ZGRF1: variants seen among roughly 807,000 people sequenced by gnomAD.
ZGRF1 encodes the protein zinc finger GRF-type containing 1.
Under a neutral mutation model 203.5 loss-of-function variants are expected in ZGRF1, and 196 were observed. The ratio of observed to expected loss-of-function variants is 0.96; its 90% confidence interval spans 0.86 to 1.08. The LOEUF is 1.08. Ranked by LOEUF, ZGRF1 falls within the 50% of genes least tolerant of loss-of-function variation. The probability of loss-of-function intolerance (pLI) is 0.00; values close to 1 mark genes in which losing one functional copy is unlikely to be tolerated. For missense variants in ZGRF1, 2,326 were observed against 2,416.3 expected, an observed-to-expected ratio of 0.96 and a Z score of 0.78; for synonymous variants, 809 against 841.3, an observed-to-expected ratio of 0.96 and a Z score of 0.66.
At chr4:112,585,469 T>C (rs923702963) in intron 14 of ZGRF1, 72 bp downstream of exon 14, 1 of 1,210,174 alleles carries the variant, frequency 8.3e-7, no homozygotes, top group Non-Finnish European at 1.1e-6. Context: ...AAGCTTATCA[T>C]GAAGTAATAG....
chr4:112,585,904 TAAA>T (rs34893186), intron 13 of ZGRF1, among the ~76,000 whole-genome samples, 179 bp from the exon 14 acceptor site: 32 of 135,184 alleles, frequency 2.4e-4, no homozygotes, highest in East Asian at 6.1e-4. Flanking sequence ...CACTTCTAGT[TAAA>T]AAAAAAAAAA....
In ZGRF1 at chr4:112,547,367, T is replaced by C. The variant is rs542901479; in HGVS notation, c.5516A>G (p.Gln1839Arg). The change falls in exon 24 of 28, where the codon CAG becomes CGG. Residue 1839 changes from glutamine (Q) to arginine (R), a missense_variant. Physicochemically the swap from Gln to Arg is conservative, Grantham distance 43. Coordinates refer to ENST00000505019, the MANE Select transcript of ZGRF1 (RefSeq NM_018392.5). ...EKLILVGDPK[Q>R]LPPTIQGSDA... ...AGAACCCTGAATAGTAGGAGGTAGCTGTTTGGGATCCCCAACAAGAATCAG... is the reference window on the plus strand; with the variant it reads ...AGAACCCTGAATAGTAGGAGGTAGCCGTTTGGGATCCCCAACAAGAATCAG... The C allele has an allele frequency of 3.7e-6, 6 of 1,613,114 alleles. No individual in the cohort carries two copies. In the East Asian group the frequency reaches 1.1e-4, roughly 30 times the overall value.
At chr4:112,612,173 C>T (rs2046706239) in intron 7 of ZGRF1, among the ~76,000 whole-genome samples, 1 of 152,112 alleles carries the variant, frequency 6.6e-6, no homozygotes, top group African/African-American at 2.4e-5. Context: ...ACCACATCAG[C>T]CAGGCTGGTC....
In ZGRF1 at chr4:112,548,224, A is replaced by AC. The variant is rs1429213860; in HGVS notation, c.5474+28dup. On this transcript the variant is annotated intron_variant, in intron 23 of 27. Coordinates refer to ENST00000505019, the MANE Select transcript of ZGRF1 (RefSeq NM_018392.5). ...CTAAAGTGCTAGGATTACAGGTATT[A>AC]CCCCTGGGGAAAGAATCTTTTAGGT... 1.4e-5 allele frequency: 21 copies of AC among 1,550,396 alleles called. No individual in the cohort carries two copies. The African/African-American group carries it at 2.7e-4, about 20-fold the overall frequency.
Position 112,618,218 on chromosome 4 carries a change from A to G in ZGRF1, c.1824T>C (p.Thr608=). 1 of 1,613,954 alleles carries G rather than the reference A, an allele frequency of 6.2e-7. No homozygotes were observed. The highest frequency in any genetic ancestry group is 1.1e-5 in the South Asian group (1 of 91,044). ...TTTTATCACAAAACTGTGATGGCAGAGTCTCTTTAACAGGAAATGTCACTG... is the reference window on the plus strand; with the variant it reads ...TTTTATCACAAAACTGTGATGGCAGGGTCTCTTTAACAGGAAATGTCACTG... ...KPTVTFPVKE[T]LPSQFCDKTY... Residue 608 remains threonine, a synonymous_variant, in exon 6 of 28, where the codon ACT becomes ACC. Coordinates refer to ENST00000505019, the MANE Select transcript of ZGRF1 (RefSeq NM_018392.5).
intron 10 of ZGRF1, among the ~76,000 whole-genome samples, chr4:112,602,808 C>T (rs1750178275): frequency 6.6e-6 from 1 of 152,072 alleles, no homozygotes; most frequent in Non-Finnish European, 1.5e-5. Flanking sequence ...GTGTATGATT[C>T]TATTTATATA....
chr4:112,629,479 T>C (rs2047339237), intron 3 of ZGRF1, among the ~76,000 whole-genome samples: 2 of 152,122 alleles, frequency 1.3e-5, no homozygotes, highest in Non-Finnish European at 2.9e-5. Flanking sequence ...GAGACCAGCC[T>C]GGCCAACATG....
At position 112,587,765 on chromosome 4, in the gene ZGRF1, G is replaced by A. The variant is rs770989925; in HGVS notation, c.3292C>T (p.Pro1098Ser). ...GACTTTTCACACAAATTGAGCATGG[G>A]GGAGCCAGAAGACTCGTATGTGTTA... ...NSNTYESSGS[P>S]MLNLCEKSAV... is the part of the protein sequence containing the mutation. Residue 1098 changes from proline (P) to serine (S), a missense_variant, in exon 12 of 28, where the codon CCC becomes TCC. Coordinates refer to ENST00000505019, the MANE Select transcript of ZGRF1 (RefSeq NM_018392.5). The A allele has an allele frequency of 1.9e-6, 3 of 1,555,578 alleles. No individual in the cohort carries two copies. Among genetic ancestry groups the A allele is most frequent in the Non-Finnish European group, 2.6e-6 (3 of 1,148,828 alleles).
At chr4:112,616,134 T>C (rs556133632) in intron 6 of ZGRF1, among the ~76,000 whole-genome samples, 1 of 152,284 alleles carries the variant, frequency 6.6e-6, no homozygotes, top group South Asian at 2.1e-4. Context: ...GTAATATTGA[T>C]ATAACAATTT....
intron 16 of ZGRF1, among the ~76,000 whole-genome samples, 186 bp downstream of exon 16, chr4:112,581,477 T>C (rs549028156): frequency 2.0e-5 from 3 of 151,354 alleles, no homozygotes; most frequent in Admixed American, 2.0e-4. Flanking sequence ...AAAGCCCTAA[T>C]ATCTTAAAAA....
At chr4:112,586,271 T>G (rs1291145690) in intron 13 of ZGRF1, among the ~76,000 whole-genome samples, 174 bp downstream of exon 13, 1 of 151,954 alleles carries the variant, frequency 6.6e-6, no homozygotes, top group Non-Finnish European at 1.5e-5. Flanking sequence ...AATTTCCCAC[T>G]TTTAAAACTC....
intron 6 of ZGRF1, among the ~76,000 whole-genome samples, chr4:112,614,145 TTTC>T (rs142165089): frequency 0.064 from 9,782 of 152,236 alleles, 560 homozygotes; most frequent in East Asian, 0.32. Flanking sequence ...GGTGGCAAAA[TTTC>T]TTCTTCTCTA....
chr4:112,629,980 C>A, intron 3 of ZGRF1: 2 of 264,754 alleles, frequency 7.6e-6, no homozygotes, highest in South Asian at 3.2e-5. Flanking sequence ...GACTGTGCCA[C>A]TGCACTCCAG....
chr4:112,622,679 G>T (rs1456180282), intron 4 of ZGRF1, among the ~76,000 whole-genome samples: 1 of 152,116 alleles, frequency 6.6e-6, no homozygotes, highest in African/African-American at 2.4e-5. Context: ...GGGCCAGGAA[G>T]TATTTAGAAC....
At chr4:112,595,580 ATG>A (rs535521242) in intron 10 of ZGRF1, among the ~76,000 whole-genome samples, 10 of 151,284 alleles carry the variant, frequency 6.6e-5, no homozygotes, top group Non-Finnish European at 1.0e-4. Context: ...GTGTGTATAT[ATG>A]TGTGTGTGTG....
intron 7 of ZGRF1, among the ~76,000 whole-genome samples, chr4:112,612,257 C>T (rs913893791): frequency 6.6e-6 from 1 of 152,050 alleles, no homozygotes; most frequent in Non-Finnish European, 1.5e-5. Context: ...TGAGCCTCCA[C>T]GTCCAGCCAT....
chr4:112,603,002 T>G (rs574406712), intron 10 of ZGRF1, among the ~76,000 whole-genome samples: 1 of 150,964 alleles, frequency 6.6e-6, no homozygotes, highest in African/African-American at 2.5e-5. Context: ...ATTTCATATA[T>G]GTATTATGCT....
At chr4:112,621,539 GC>G (rs554853790) in intron 4 of ZGRF1, among the ~76,000 whole-genome samples, 159 of 151,336 alleles carry the variant, frequency 1.1e-3, no homozygotes, top group African/African-American at 3.4e-3. Flanking sequence ...TGTAATCCCA[GC>G]CACTCGGGAG....
rs574166102 is a variant in ZGRF1 at position 112,558,311 on chromosome 4, T to C, written c.4961-2A>G. On this transcript the variant is annotated splice_acceptor_variant, in intron 19 of 27. Transcript: ENST00000505019. LOFTEE classifies it high-confidence loss of function. The stretch of plus-strand genomic sequence containing the variant: ...AACTCTTTCCTGCTCCAAACACACC[T>C]AATTATTTTAAAAGAAGAAAAAAAT... 1 of 1,504,314 alleles carries C rather than the reference T, an allele frequency of 6.6e-7. No individual in the cohort carries two copies. The highest frequency in any genetic ancestry group is 1.4e-5 in the South Asian group (1 of 72,206). The allele number at this position is 1,504,314 out of a possible 1,614,324, so 93.2% of individuals were successfully genotyped here.
Sources: gnomAD v4.1 joint callset for allele counts (sites outside exome capture counted in the v4.1 genomes callset) on GRCh38, gnomAD v4.1.1 for gene constraint, MANE v1.5 for transcripts, NCBI Gene and HGNC (gene_info 2026-07-23, HGNC 2026-07-21) for gene names.